Variants in EYS observed in about 807,000 individuals in gnomAD.
The protein encoded by EYS is protein eyes shut homolog.
Under a neutral mutation model 282.1 loss-of-function variants are expected in EYS, and 250 were observed. The ratio of observed to expected loss-of-function variants is 0.89; its 90% confidence interval spans 0.80 to 0.98. The LOEUF (loss-of-function observed/expected upper bound fraction) is 0.98. Among genes scored for constraint, EYS ranks in the 50% least tolerant of loss-of-function variants. The pLI, the probability that EYS is intolerant of heterozygous loss-of-function variation, is 0.00. For missense variants in EYS, 4,016 were observed against 3,709.0 expected, an observed-to-expected ratio of 1.08 and a Z score of -2.15; for synonymous variants, 1,355 against 1,282.9, an observed-to-expected ratio of 1.06 and a Z score of -1.20.
chr6:63,762,605 A>G lies in EYS; in HGVS notation c.7927T>C (p.Ser2643Pro), dbSNP rs748043031. The G allele has an allele frequency of 7.1e-6, 11 of 1,550,028 alleles. No homozygotes were observed. In the South Asian group the frequency reaches 1.2e-4, roughly 17 times the overall value. ...GTAGAAACTGTCTCTGTGCAGAATG[A>G]TCCTTTCCACCCAGTGGTACAATTG... ...YCNCTTGWKG[S>P]FCTETVSTCD... Residue 2643 changes from serine (S) to proline (P), a missense_variant, in exon 41 of 43, where the codon TCA becomes CCA. Ser to Pro is a moderately conservative substitution (Grantham distance 74, BLOSUM62 -1). Transcript: ENST00000503581.
chr6:64,075,051 A>G (rs1360099538), intron 32 of EYS, among the ~76,000 whole-genome samples: 2 of 151,946 alleles, frequency 1.3e-5, no homozygotes, highest in Non-Finnish European at 2.9e-5. Context: ...GCTTCATGAC[A>G]TATGATAAAG....
At chr6:64,914,393 T>C (rs1051692727) in intron 15 of EYS, among the ~76,000 whole-genome samples, 4 of 152,114 alleles carry the variant, frequency 2.6e-5, no homozygotes, top group Non-Finnish European at 5.9e-5. Flanking sequence ...AAAAAGTGTA[T>C]TTACTGATAG....
intron 22 of EYS, among the ~76,000 whole-genome samples, chr6:64,725,410 C>T (rs1198750144): frequency 6.6e-6 from 1 of 151,980 alleles, no homozygotes; most frequent in Admixed American, 6.6e-5. Flanking sequence ...GGGCTAATCC[C>T]CCAAAGTATC....
At chr6:63,846,561 G>A (rs990645934) in intron 36 of EYS, among the ~76,000 whole-genome samples, 2 of 152,200 alleles carry the variant, frequency 1.3e-5, no homozygotes, top group African/African-American at 4.8e-5. Context: ...ATCACTAGGT[G>A]CAATATTCAG....
chr6:64,647,894 A>C (rs571841945), intron 22 of EYS, among the ~76,000 whole-genome samples: 2 of 150,382 alleles, frequency 1.3e-5, no homozygotes, highest in African/African-American at 4.8e-5. Context: ...GAGTGCCTTC[A>C]TGAATAAATA....
intron 5 of EYS, among the ~76,000 whole-genome samples, chr6:65,410,500 C>T (rs569446532): frequency 6.6e-6 from 1 of 152,030 alleles, no homozygotes; most frequent in Non-Finnish European, 1.5e-5. Flanking sequence ...CTTCTTATCT[C>T]ATTGTACTTT....
rs527516481 is a variant in EYS at position 64,771,795 on chromosome 6, A to T, written c.3443+41583T>A. Among the ~76,000 whole-genome samples the T allele has an allele frequency of 2.0e-5, 3 of 151,810 alleles. No homozygotes were observed. The South Asian group carries it at 6.2e-4, about 31-fold the overall frequency. Reference sequence around the variant, plus strand: ...TACATGTTCATTTTGCTCTGAGTTTATTCATGTCTCAAAAGAAGGCTCCCT... The same window carrying T: ...TACATGTTCATTTTGCTCTGAGTTTTTTCATGTCTCAAAAGAAGGCTCCCT... On this transcript the variant is annotated intron_variant, in intron 22 of 42. Coordinates refer to ENST00000503581, the MANE Select transcript of EYS (RefSeq NM_001142800.2).
intron 19 of EYS, among the ~76,000 whole-genome samples, chr6:64,857,915 T>C (rs567608408): frequency 6.6e-6 from 1 of 152,302 alleles, no homozygotes; most frequent in East Asian, 1.9e-4. Context: ...TTTTGAAAAA[T>C]GTCTGATTTT....
At chr6:65,200,867 T>C (rs1333573004) in intron 12 of EYS, among the ~76,000 whole-genome samples, 3 of 151,738 alleles carry the variant, frequency 2.0e-5, no homozygotes, top group African/African-American at 7.3e-5. Flanking sequence ...AGAAGAAAAA[T>C]TAGGGAATAG....
At chr6:64,842,614 A>T (rs1281390883) in intron 19 of EYS, among the ~76,000 whole-genome samples, 1 of 152,086 alleles carries the variant, frequency 6.6e-6, no homozygotes, top group African/African-American at 2.4e-5. Context: ...GTCCAGGCTG[A>T]GGTGGTCTCG....
At chr6:65,357,285 T>C (rs1377955858) in intron 8 of EYS, among the ~76,000 whole-genome samples, 2 of 152,024 alleles carry the variant, frequency 1.3e-5, no homozygotes, top group Non-Finnish European at 2.9e-5. Flanking sequence ...TAGTGGTAAC[T>C]GGTGTTGCTT....
At chr6:65,374,940 C>T (rs939890350) in intron 8 of EYS, among the ~76,000 whole-genome samples, 31 of 152,234 alleles carry the variant, frequency 2.0e-4, no homozygotes, top group African/African-American at 6.7e-4. Flanking sequence ...GGGGAAGGGC[C>T]GGCTGTGGTC....
At chr6:65,121,064 A>G (rs903273186) in intron 12 of EYS, among the ~76,000 whole-genome samples, 1 of 149,818 alleles carries the variant, frequency 6.7e-6, no homozygotes, top group Non-Finnish European at 1.5e-5. Context: ...GAGCATTTTG[A>G]CTCTACTACT....
chr6:65,630,818 G>A (rs1766885377), intron 2 of EYS, among the ~76,000 whole-genome samples: 1 of 152,142 alleles, frequency 6.6e-6, no homozygotes, highest in Non-Finnish European at 1.5e-5. Context: ...AAAGAAATTT[G>A]TATAAAAATT....
chr6:65,022,862 T>G lies in EYS; in HGVS notation c.2138-25159A>C, dbSNP rs571599319. Among the ~76,000 whole-genome samples, 3 of 152,022 alleles carry G rather than the reference T, an allele frequency of 2.0e-5. No individual in the cohort carries two copies. In the South Asian group the frequency reaches 6.2e-4, roughly 31 times the overall value. ...GTACAATGGAGGGAGGGAGAGAATATAGAGATATGTTGTATCAAGGTTTTT... is the reference window on the plus strand; with the variant it reads ...GTACAATGGAGGGAGGGAGAGAATAGAGAGATATGTTGTATCAAGGTTTTT... On this transcript the variant is annotated intron_variant, in intron 13 of 42. Transcript: ENST00000503581.
At chr6:63,872,800 C>T (rs530920349) in intron 35 of EYS, among the ~76,000 whole-genome samples, 5 of 151,850 alleles carry the variant, frequency 3.3e-5, no homozygotes, top group African/African-American at 1.2e-4. Context: ...TTAATGTACT[C>T]TTTGCATCTT....
intron 19 of EYS, among the ~76,000 whole-genome samples, chr6:64,850,644 G>T (rs1349821614): frequency 6.8e-6 from 1 of 147,444 alleles, no homozygotes; most frequent in Non-Finnish European, 1.5e-5. Context: ...GTTACAGGTA[G>T]CTGAGAGGGA....
intron 2 of EYS, among the ~76,000 whole-genome samples, chr6:65,631,584 C>T (rs1426116830): frequency 6.6e-6 from 1 of 152,032 alleles, no homozygotes; most frequent in Non-Finnish European, 1.5e-5. Context: ...TTCATTATGA[C>T]TGAACAAGCA....
chr6:64,675,360 A>G (rs1162588822), intron 22 of EYS, among the ~76,000 whole-genome samples: 2 of 151,974 alleles, frequency 1.3e-5, no homozygotes, highest in Non-Finnish European at 2.9e-5. Flanking sequence ...TTCCTAAACT[A>G]AAGATTCTGG....
Sources: gnomAD v4.1 joint callset for allele counts (sites outside exome capture counted in the v4.1 genomes callset) on GRCh38, gnomAD v4.1.1 for gene constraint, MANE v1.5 for transcripts, NCBI Gene and HGNC (gene_info 2026-07-23, HGNC 2026-07-21) for gene names.